Variants in TTC16 observed in about 807,000 individuals in gnomAD.
TTC16 encodes the protein tetratricopeptide repeat protein 16.
A neutral mutation model predicts 80.4 loss-of-function variants in TTC16; 66 were observed. The ratio of observed to expected loss-of-function variants is 0.82; its 90% CI spans 0.67 to 1.01. TTC16 has a LOEUF of 1.01. Ranked by LOEUF, TTC16 falls within the 50% of genes least tolerant of loss-of-function variation. The probability of loss-of-function intolerance (pLI) is 0.00; values close to 1 mark genes in which losing one functional copy is unlikely to be tolerated. For missense variants in TTC16, 1,070 were observed against 1,103.2 expected (o/e 0.97, Z 0.43); for synonymous variants, 438 against 451.3 (o/e 0.97, Z 0.37).
intron 10 of TTC16, 33 bp downstream of exon 10, chr9:127,726,437 C>T (rs754191324): frequency 1.3e-5 from 20 of 1,538,242 alleles, no homozygotes; most frequent in South Asian, 2.5e-5. Context: ...GTGTAGGCTC[C>T]GGAGTCATGC....
rs13291070 is a variant in TTC16 at position 127,722,075 on chromosome 9, T to G, written c.658-1044T>G. ...TTAGCTGTGAGGCTCGCAGCAACCC[T>G]TTGGGATAGAGACACACTGTCCTCG... On this transcript the variant is annotated intron_variant, in intron 6 of 13. Transcript: ENST00000373289. The surrounding 1 kb of genome is among the most constrained non-coding windows in gnomAD (Gnocchi z 4.2). Among the ~76,000 whole-genome samples, 9 of 152,276 alleles carry G rather than the reference T, an allele frequency of 5.9e-5. No homozygotes were observed. In the South Asian group the frequency reaches 1.5e-3, roughly 25 times the overall value.
In TTC16 at chr9:127,724,109, C is replaced by CT. The variant is rs751092765; in HGVS notation, c.873-11_873-10insT. 1.3e-6 allele frequency: 2 copies of CT among 1,597,536 alleles called. No individual in the cohort carries two copies. The highest frequency in any genetic ancestry group is 1.3e-5 in the African/African-American group (1 of 74,666). On this transcript the variant is annotated splice_polypyrimidine_tract_variant and intron_variant, in intron 7 of 13. Coordinates refer to ENST00000373289, the MANE Select transcript of TTC16 (RefSeq NM_144965.3). ...TGTCCCTCCTGCCGTCTCCCACGCC[C>CT]CCCCCGACAGGGGCACCATGTACCG...
chr9:127,718,104 T>C lies in TTC16; in HGVS notation c.426+332T>C, dbSNP rs1843193624. 6.6e-6 allele frequency among the ~76,000 whole-genome samples: 1 copy of C among 152,090 alleles called. No homozygotes were observed. Among genetic ancestry groups the C allele is most frequent in the African/African-American group, 2.4e-5 (1 of 41,376 alleles). On this transcript the variant is annotated intron_variant, in intron 4 of 13. Transcript: ENST00000373289. The surrounding 1 kb of genome is among the most constrained non-coding windows in gnomAD (Gnocchi z 4.6). ...TATTTTATTTTATTATTATTATTAT[T>C]TTTGAGACAGTCTTGCTCTGTCACC...
chr9:127,724,882 G>T lies in TTC16; in HGVS notation c.1244G>T (p.Cys415Phe). 1.3e-6 allele frequency: 2 copies of T among 1,551,080 alleles called. No homozygotes were observed. Among genetic ancestry groups the T allele is most frequent in the Non-Finnish European group, 8.7e-7 (1 of 1,151,610 alleles). Residue 415 changes from cysteine (C) to phenylalanine (F), a missense_variant, in exon 9 of 14, where the codon TGC becomes TTC. Cys to Phe is a radical substitution (Grantham distance 205). Transcript: ENST00000373289. ...MGLLQEKMGFCEQRRKQFQKA... is the reference protein window; with the variant it reads ...MGLLQEKMGFFEQRRKQFQKA... Reference sequence around the variant, plus strand: ...CTGCTGCAGGAGAAGATGGGCTTCTGCGAGCAGAGGCGCAAGTGCGTGGGC... The same window carrying T: ...CTGCTGCAGGAGAAGATGGGCTTCTTCGAGCAGAGGCGCAAGTGCGTGGGC...
At position 127,730,649 on chromosome 9, in the gene TTC16, C is replaced by A. The variant is rs759483405; in HGVS notation, c.1866C>A (p.Gly622=). The A allele has an allele frequency of 3.7e-6, 6 of 1,612,488 alleles. No individual in the cohort carries two copies. In the South Asian group the frequency reaches 5.5e-5, roughly 15 times the overall value. Reference sequence around the variant, plus strand: ...CCCCCTTCCTAGTCAGGACCACAGGCACCTCAGAGACTGAGATGTCGGCTA... The same window carrying A: ...CCCCCTTCCTAGTCAGGACCACAGGAACCTCAGAGACTGAGATGTCGGCTA... ...SASSMSFRTT[G]TSETEMSAIC... The change falls in exon 14 of 14, where the codon GGC becomes GGA. Residue 622 remains glycine, a synonymous_variant. Coordinates refer to ENST00000373289, the MANE Select transcript of TTC16 (RefSeq NM_144965.3).
chr9:127,721,541 C>G (rs1412521209), intron 6 of TTC16, among the ~76,000 whole-genome samples: 3 of 151,946 alleles, frequency 2.0e-5, no homozygotes, highest in Non-Finnish European at 4.4e-5. Flanking sequence ...TCCAAGCATC[C>G]TGGGTGCGGC....
Position 127,717,004 on chromosome 9 carries a change from A to G in TTC16, c.179A>G (p.Lys60Arg). Reference sequence around the variant, plus strand: ...GTCACAGGGTTAACAGTGCCCCTCAAAGTCAGGGAATAGTGAGTGACTACC... The same window carrying G: ...GTCACAGGGTTAACAGTGCCCCTCAGAGTCAGGGAATAGTGAGTGACTACC... ...PKVTGLTVPL[K>R]VREYYSRGQQ... is the part of the protein sequence containing the mutation. Residue 60 changes from lysine (K) to arginine (R), a missense_variant, in exon 2 of 14, where the codon AAA becomes AGA. Physicochemically the swap from Lys to Arg is conservative, Grantham distance 26 (BLOSUM62 2). Coordinates refer to ENST00000373289, the MANE Select transcript of TTC16 (RefSeq NM_144965.3). 1 of 1,613,070 alleles carries G rather than the reference A, an allele frequency of 6.2e-7. No homozygotes were observed. Among genetic ancestry groups the G allele is most frequent in the South Asian group, 1.1e-5 (1 of 91,050 alleles).
rs766892674 is a variant in TTC16, at chr9:127,720,369, G to C, written c.631G>C (p.Ala211Pro). ...TTNADVYIFR[A>P]RLYNFLQKPH... ...CAACGCCGATGTCTACATCTTCCGG[G>C]CCAGACTCTACAACTTTCTCCAGAA... The change falls in exon 6 of 14, where the codon GCC becomes CCC. Residue 211 changes from alanine to proline, a missense_variant. Physicochemically the swap from Ala to Pro is conservative, Grantham distance 27. Coordinates refer to ENST00000373289, the MANE Select transcript of TTC16 (RefSeq NM_144965.3). The C allele has an allele frequency of 1.2e-6, 2 of 1,607,756 alleles. No homozygotes were observed. Among genetic ancestry groups the C allele is most frequent in the Non-Finnish European group, 1.7e-6 (2 of 1,175,374 alleles).
intron 9 of TTC16, 52 bp from the exon 10 acceptor site, chr9:127,726,187 T>C: frequency 6.8e-7 from 1 of 1,475,780 alleles, no homozygotes; most frequent in African/African-American, 1.4e-5. Context: ...GCCACCATTT[T>C]CCCCACAGAT....
Position 127,724,710 on chromosome 9 carries a change from G to C in TTC16, c.1118-46G>C, listed in dbSNP as rs565389796. 2.5e-6 allele frequency: 4 copies of C among 1,586,936 alleles called. No homozygotes were observed. In the East Asian group the frequency reaches 9.0e-5, roughly 36 times the overall value. On this transcript the variant is annotated intron_variant, in intron 8 of 13. Coordinates refer to ENST00000373289, the MANE Select transcript of TTC16 (RefSeq NM_144965.3). The stretch of plus-strand genomic sequence containing the variant: ...GGAGCCGGCTGGGCTGGGGCTCCCG[G>C]GCACTGGGAGTTGGGGGTCCACTCA...
chr9:127,722,799 A>G lies in TTC16; in HGVS notation c.658-320A>G, dbSNP rs1187585398. ...AGTAAAACCCCATCTCTACTAAAAA[A>G]TAATACAAAAATACAAAAATTAGCC... is the stretch of plus-strand genomic sequence containing the variant. On this transcript the variant is annotated intron_variant, in intron 6 of 13. Transcript: ENST00000373289. The surrounding 1 kb of genome is among the most constrained non-coding windows in gnomAD (Gnocchi z 4.2). Among the ~76,000 whole-genome samples, 1 of 151,914 alleles carries G rather than the reference A, an allele frequency of 6.6e-6. No individual in the cohort carries two copies. Among genetic ancestry groups the G allele is most frequent in the Non-Finnish European group, 1.5e-5 (1 of 67,944 alleles).
At chr9:127,729,483 A>G (rs1282980426) in intron 12 of TTC16, 98 bp from the exon 13 acceptor site, 1 of 977,998 alleles carries the variant, frequency 1.0e-6, no homozygotes, top group Admixed American at 1.9e-5. Flanking sequence ...CAAGCTCAGG[A>G]GAATGACCAC....
At chr9:127,729,786 T>G in intron 13 of TTC16, 118 bp downstream of exon 13, 2 of 902,656 alleles carry the variant, frequency 2.2e-6, no homozygotes, top group Non-Finnish European at 3.5e-6. Flanking sequence ...GACAGCTGGG[T>G]GGCCTGGGGC....
At chr9:127,717,511 GGCCACCAA>G in intron 3 of TTC16, 87 bp downstream of exon 3, 1 of 1,574,676 alleles carries the variant, frequency 6.4e-7, no homozygotes, top group Non-Finnish European at 8.6e-7. Context: ...CTCCTCTCAG[GGCCACCAA>G]GTCCCTGATG....
intron 4 of TTC16, 149 bp downstream of exon 4, chr9:127,717,921 GT>G: frequency 9.4e-7 from 1 of 1,066,080 alleles, no homozygotes; most frequent in South Asian, 1.7e-5. Context: ...TCCAAGGCTG[GT>G]TTACTGCCAG....
At chr9:127,724,389 GA>G (rs1843743530) in intron 8 of TTC16, 25 bp downstream of exon 8, 4 of 1,607,652 alleles carry the variant, frequency 2.5e-6, no homozygotes, top group South Asian at 1.1e-5. Context: ...GGGCACTGGG[GA>G]GGGGGGGTGC....
rs541115913 is a variant in TTC16 at position 127,724,846 on chromosome 9, C to T, written c.1208C>T (p.Thr403Met). 2.0e-5 allele frequency: 32 copies of T among 1,594,652 alleles called. No individual in the cohort carries two copies. In the Middle Eastern group the frequency reaches 8.4e-4, roughly 42 times the overall value. The change falls in exon 9 of 14, where the codon ACG becomes ATG. Residue 403 changes from threonine (T) to methionine (M), a missense_variant. By Grantham distance (81) the Thr-to-Met change is moderately conservative (BLOSUM62 -1). Transcript: ENST00000373289. ...ALSPQDEGAN[T>M]RMGLLQEKMG... ...AGCCCTCAGGACGAGGGCGCCAACA[C>T]GCGCATGGGCCTGCTGCAGGAGAAG...
intron 9 of TTC16, 97 bp from the exon 10 acceptor site, chr9:127,726,142 C>T: frequency 8.8e-7 from 1 of 1,139,142 alleles, no homozygotes; most frequent in Non-Finnish European, 1.2e-6. Flanking sequence ...CAGACCTAGC[C>T]TGGTTTCCCT....
In TTC16 at chr9:127,724,196, G is replaced by A. The variant is rs115258146; in HGVS notation, c.949G>A (p.Glu317Lys). ...DFLKVLDMVT[E>K]DQEDMVRQAQ... ...CCTGAAGGTGCTGGACATGGTGACCGAGGACCAGGAGGACATGGTGCGGCA... is the reference window on the plus strand; with the variant it reads ...CCTGAAGGTGCTGGACATGGTGACCAAGGACCAGGAGGACATGGTGCGGCA... The change falls in exon 8 of 14, where the codon GAG becomes AAG. Residue 317 changes from glutamate to lysine, a missense_variant. Coordinates refer to ENST00000373289, the MANE Select transcript of TTC16 (RefSeq NM_144965.3). 1,308 of 1,613,310 alleles carry A rather than the reference G, an allele frequency of 8.1e-4. 7 individuals carry two copies. The African/African-American group carries it at 0.014, about 18-fold the overall frequency.
Sources: gnomAD v4.1 joint callset for allele counts (sites outside exome capture counted in the v4.1 genomes callset) on GRCh38, gnomAD v4.1.1 for gene constraint, Gnocchi (gnomAD v3.1) non-coding constraint, MANE v1.5 for transcripts, NCBI Gene and HGNC (gene_info 2026-07-23, HGNC 2026-07-21) for gene names.